The following KCNQ5 variants were observed in gnomAD, a reference collection of about 807,000 sequenced individuals.
KCNQ5 encodes the protein potassium voltage-gated channel subfamily KQT member 5.
Under a neutral mutation model 98.2 loss-of-function variants are expected in KCNQ5, and 30 were observed. That is an observed-to-expected ratio of 0.31 (90% confidence interval 0.23 to 0.41). The LOEUF (loss-of-function observed/expected upper bound fraction) is 0.41. KCNQ5 is among the 10% of genes least tolerant of loss of function. The pLI, the probability that KCNQ5 is intolerant of heterozygous loss-of-function variation, is 1.00. For missense variants in KCNQ5, 835 were observed against 1,182.5 expected, an observed-to-expected ratio of 0.71 and a Z score of 4.31; for synonymous variants, 458 against 449.4, an observed-to-expected ratio of 1.02 and a Z score of -0.24.
rs535671328 is a variant in KCNQ5 at position 72,673,192 on chromosome 6, C to T, written c.398+50605C>T. Among the ~76,000 whole-genome samples the T allele has an allele frequency of 7.9e-5, 12 of 152,242 alleles. 1 individual carries two copies. In the South Asian group the frequency reaches 2.3e-3, roughly 29 times the overall value. On this transcript the variant is annotated intron_variant, in intron 1 of 13. Transcript: ENST00000370398. ...GACTGTTAACTCCATAGACTCAGGG[C>T]TCCCACCCCTTCAGCTTTGTGCTCT...
At chr6:73,111,249 T>C in intron 6 of KCNQ5, 59 bp from the exon 7 acceptor site, 1 of 1,145,790 alleles carries the variant, frequency 8.7e-7, no homozygotes, top group Non-Finnish European at 1.3e-6. Context: ...TTTTTAATAT[T>C]TGTATTATTT....
At chr6:72,748,937 T>C (rs148856466) in intron 1 of KCNQ5, among the ~76,000 whole-genome samples, 5 of 152,120 alleles carry the variant, frequency 3.3e-5, no homozygotes, top group African/African-American at 1.2e-4. Context: ...TCAGAAAAAG[T>C]AAAGGCTCTA....
intron 1 of KCNQ5, among the ~76,000 whole-genome samples, chr6:72,666,109 C>T (rs952405884): frequency 1.3e-5 from 2 of 152,106 alleles, no homozygotes; most frequent in Non-Finnish European, 1.5e-5. Flanking sequence ...TATAATTGCA[C>T]TGTATCTGTA....
intron 10 of KCNQ5, among the ~76,000 whole-genome samples, chr6:73,155,090 A>G: frequency 6.6e-6 from 1 of 152,220 alleles, no homozygotes; most frequent in East Asian, 1.9e-4. Flanking sequence ...GTCTTCCTTC[A>G]GAGGTGGTAG....
At chr6:73,097,142 C>CATAT (rs70994161) in intron 5 of KCNQ5, among the ~76,000 whole-genome samples, 1,914 of 121,866 alleles carry the variant, frequency 0.016, 72 homozygotes, top group East Asian at 0.062. Context: ...CAATAGATCT[C>CATAT]ATATATATAT....
At chr6:72,837,389 T>G (rs1015327446) in intron 1 of KCNQ5, among the ~76,000 whole-genome samples, 2 of 152,328 alleles carry the variant, frequency 1.3e-5, no homozygotes, top group Middle Eastern at 6.8e-3. Context: ...CTTGTCCAGA[T>G]CTGAATCCAG....
chr6:72,809,547 G>A (rs1222489908), intron 1 of KCNQ5, among the ~76,000 whole-genome samples: 5 of 149,180 alleles, frequency 3.4e-5, no homozygotes, highest in Admixed American at 6.6e-5. Flanking sequence ...GTGAGACTCC[G>A]TCTCAAAAAA....
intron 13 of KCNQ5, among the ~76,000 whole-genome samples, chr6:73,193,972 G>A (rs1279628248): frequency 6.6e-6 from 1 of 151,846 alleles, no homozygotes; most frequent in East Asian, 1.9e-4. Context: ...TAGCAGCTGG[G>A]ACTATGGGCA....
chr6:72,762,520 G>C (rs1292786087), intron 1 of KCNQ5, among the ~76,000 whole-genome samples: 1 of 152,014 alleles, frequency 6.6e-6, no homozygotes, highest in Non-Finnish European at 1.5e-5. Context: ...TTTTAACCAG[G>C]CATCAGCTTT....
intron 1 of KCNQ5, among the ~76,000 whole-genome samples, chr6:72,928,013 A>C (rs1765514081): frequency 1.3e-5 from 2 of 152,080 alleles, no homozygotes; most frequent in Non-Finnish European, 2.9e-5. Flanking sequence ...ATACATGAAA[A>C]GGAGGGAAAA....
chr6:73,150,486 T>G (rs1399448788), intron 10 of KCNQ5, among the ~76,000 whole-genome samples: 2 of 141,220 alleles, frequency 1.4e-5, no homozygotes, highest in Non-Finnish European at 3.0e-5. Flanking sequence ...TATTATTATA[T>G]TACATATAAT....
At chr6:72,838,823 G>A (rs1562016385) in intron 1 of KCNQ5, among the ~76,000 whole-genome samples, 4 of 150,826 alleles carry the variant, frequency 2.7e-5, no homozygotes, top group East Asian at 3.9e-4. Flanking sequence ...GGTAGCGGGC[G>A]CCTGTAGTCC....
At chr6:73,079,845 CAGG>C (rs1773694533) in intron 5 of KCNQ5, among the ~76,000 whole-genome samples, 1 of 152,168 alleles carries the variant, frequency 6.6e-6, no homozygotes, top group Non-Finnish European at 1.5e-5. Context: ...ACTGAGAAAA[CAGG>C]AGGCTTTTCT....
chr6:73,068,874 A>C (rs1202822587), intron 3 of KCNQ5, among the ~76,000 whole-genome samples: 2 of 152,228 alleles, frequency 1.3e-5, no homozygotes, highest in Non-Finnish European at 2.9e-5. Context: ...ACATCCCTAC[A>C]GTTTAAATTC....
intron 1 of KCNQ5, among the ~76,000 whole-genome samples, chr6:72,763,627 T>A (rs1457749131): frequency 6.6e-6 from 1 of 152,074 alleles, no homozygotes; most frequent in East Asian, 1.9e-4. Context: ...AAGGTGTTCA[T>A]TTCAAGACTG....
chr6:72,935,307 G>A (rs1765866431), intron 1 of KCNQ5, among the ~76,000 whole-genome samples: 1 of 151,980 alleles, frequency 6.6e-6, no homozygotes, highest in African/African-American at 2.4e-5. Flanking sequence ...CTGACCTCAG[G>A]TGATCCACCC....
chr6:72,889,937 A>T (rs1204107600), intron 1 of KCNQ5, among the ~76,000 whole-genome samples: 3 of 152,118 alleles, frequency 2.0e-5, no homozygotes, highest in Admixed American at 6.5e-5. Context: ...AACCTCCATG[A>T]ATATGTAGGG....
chr6:73,041,841 A>G (rs1385057071), intron 2 of KCNQ5, 95 bp from the exon 3 acceptor site: 1 of 1,367,136 alleles, frequency 7.3e-7, no homozygotes, highest in Admixed American at 1.8e-5. Flanking sequence ...GATCCTTTAG[A>G]CAAAGTGCCT....
chr6:72,961,383 G>A (rs996741909), intron 1 of KCNQ5, among the ~76,000 whole-genome samples: 2 of 151,844 alleles, frequency 1.3e-5, no homozygotes, highest in South Asian at 4.2e-4. Flanking sequence ...TTGGGAGGCC[G>A]AAGGCGGGCG....
Sources: gnomAD v4.1 joint callset for allele counts (sites outside exome capture counted in the v4.1 genomes callset) on GRCh38, gnomAD v4.1.1 for gene constraint, MANE v1.5 for transcripts, NCBI Gene and HGNC (gene_info 2026-07-23, HGNC 2026-07-21) for gene names.